CACYBP: variants seen among roughly 807,000 people sequenced by gnomAD.
CACYBP encodes the protein calcyclin-binding protein.
In CACYBP, 11 loss-of-function variants were observed where a neutral mutation model predicts 29.6. That is an observed-to-expected ratio of 0.37 (90% CI 0.23 to 0.61). The LOEUF (loss-of-function observed/expected upper bound fraction) is 0.61, where lower values mean the gene tolerates loss of function less well. CACYBP is among the 20% of genes least tolerant of loss of function. The pLI is 0.65. For synonymous variants in CACYBP, 73 were observed against 88.3 expected (o/e 0.83, Z 0.97); for missense variants, 163 against 260.7 (o/e 0.63, Z 2.58).
chr1:175,002,697 T>A (rs914197973), intron 1 of CACYBP, among the ~76,000 whole-genome samples: 3 of 152,168 alleles, frequency 2.0e-5, no homozygotes, highest in Non-Finnish European at 4.4e-5. Context: ...AGTCTGCCAA[T>A]AACAGAACTG....
chr1:175,001,530 T>G (rs1672488844), intron 1 of CACYBP, among the ~76,000 whole-genome samples: 1 of 152,230 alleles, frequency 6.6e-6, no homozygotes, highest in Non-Finnish European at 1.5e-5. Flanking sequence ...TCTTGTACTT[T>G]CTGTGAATTT....
At chr1:175,002,045 C>T (rs1238956734) in intron 1 of CACYBP, among the ~76,000 whole-genome samples, 1 of 152,176 alleles carries the variant, frequency 6.6e-6, no homozygotes. Flanking sequence ...GGCGCCTGGC[C>T]TTATTTCCAC....
chr1:175,004,448 G>A (rs192324113), intron 1 of CACYBP, among the ~76,000 whole-genome samples, 166 bp from the exon 2 acceptor site: 81 of 152,290 alleles, frequency 5.3e-4, no homozygotes, highest in Middle Eastern at 3.4e-3. Context: ...GTTAATTACA[G>A]TTAATAAGCC....
In CACYBP at chr1:175,010,144, T is replaced by C. The variant is rs1672714759; in HGVS notation, c.*65T>C. The C allele has an allele frequency of 5.1e-6, 7 of 1,371,964 alleles. No homozygotes were observed. Among genetic ancestry groups the C allele is most frequent in the Non-Finnish European group, 5.1e-6 (5 of 979,406 alleles). 85.0% of individuals were successfully genotyped at this position (1,371,964 alleles called of 1,614,324 possible). A position where few individuals can be genotyped will look rare whatever the true frequency, so the allele number is the denominator to read the frequency against. On this transcript the variant is annotated 3_prime_UTR_variant, in exon 6 of 6. Coordinates refer to ENST00000367679, the MANE Select transcript of CACYBP (RefSeq NM_014412.3). Reference sequence around the variant, plus strand: ...AATACTGATGTTTCCAGTAAGGGAATATTGGTGAGCTGCATATATAAATTT... The same window carrying C: ...AATACTGATGTTTCCAGTAAGGGAACATTGGTGAGCTGCATATATAAATTT...
rs1672727016 is a variant in CACYBP at position 175,010,661 on chromosome 1, CAAT to C, written c.*587_*589del. On this transcript the variant is annotated 3_prime_UTR_variant, in exon 6 of 6. Coordinates refer to ENST00000367679, the MANE Select transcript of CACYBP (RefSeq NM_014412.3). ...TGTGGAATAGAAAATCTAAACATGA[CAAT>C]AATAGACATATCTTTGTATGGTACC... 6.6e-6 allele frequency: 1 copy of C among 152,098 alleles called. No individual in the cohort carries two copies. The highest frequency in any genetic ancestry group is 6.5e-5 in the Admixed American group (1 of 15,280). 9.4% of individuals were successfully genotyped at this position (152,098 alleles called of 1,614,324 possible).
At chr1:175,007,292 C>G (rs190077116) in intron 4 of CACYBP, 95 bp downstream of exon 4, 7 of 734,248 alleles carry the variant, frequency 9.5e-6, no homozygotes, top group Admixed American at 9.4e-5. Context: ...AATTTGTCCT[C>G]TGTAACAGGG....
At chr1:175,009,890 T>C (rs1392810671) in intron 5 of CACYBP, 33 bp from the exon 6 acceptor site, 14 of 1,567,660 alleles carry the variant, frequency 8.9e-6, no homozygotes, top group African/African-American at 1.4e-5. Flanking sequence ...GTGCTTTCGT[T>C]TCCCCATTGT....
chr1:175,000,349 C>T (rs1446724512), intron 1 of CACYBP, 154 bp downstream of exon 1: 2 of 1,437,212 alleles, frequency 1.4e-6, no homozygotes, highest in Non-Finnish European at 1.8e-6. Context: ...ACCTCACTCG[C>T]CCCTTGCTGC....
intron 2 of CACYBP, among the ~76,000 whole-genome samples, chr1:175,005,635 A>G (rs2149411038): frequency 6.6e-6 from 1 of 152,310 alleles, no homozygotes; most frequent in African/African-American, 2.4e-5. Context: ...GAATATTGTT[A>G]ATAGTGAAAA....
At chr1:174,999,669 C>G, upstream of CACYBP, 2 of 233,918 alleles carry the variant, frequency 8.5e-6, no homozygotes, top group Non-Finnish European at 8.5e-6. Context: ...AGTCAACTTC[C>G]GACTTGGACT....
chr1:175,000,586 A>T (rs1441150468), intron 1 of CACYBP: 2 of 1,113,110 alleles, frequency 1.8e-6, no homozygotes, highest in East Asian at 1.6e-4. Context: ...TTCTTGGTAG[A>T]GGGCGGTTGG....
chr1:175,006,121 T>TTA (rs1672615413), intron 2 of CACYBP, among the ~76,000 whole-genome samples: 1 of 152,168 alleles, frequency 6.6e-6, no homozygotes, highest in Non-Finnish European at 1.5e-5. Context: ...TGTGAAGTAT[T>TTA]TATATATATG....
At chr1:175,005,924 A>G (rs1049276815) in intron 2 of CACYBP, among the ~76,000 whole-genome samples, 5 of 152,122 alleles carry the variant, frequency 3.3e-5, no homozygotes, top group Non-Finnish European at 1.5e-5. Context: ...GTAGGTGTAT[A>G]TATTTATGGG....
chr1:175,003,907 G>A (rs1022588870), intron 1 of CACYBP, among the ~76,000 whole-genome samples: 8 of 152,222 alleles, frequency 5.3e-5, no homozygotes, highest in African/African-American at 1.2e-4. Context: ...AAATGAGAAC[G>A]TGGTGGCTTT....
intron 1 of CACYBP, among the ~76,000 whole-genome samples, chr1:175,001,961 C>T (rs1055795209): frequency 5.3e-5 from 8 of 152,140 alleles, no homozygotes; most frequent in African/African-American, 1.9e-4. Context: ...AGGCTGGTCT[C>T]GAACTCCTGA....
At chr1:175,000,583 T>G (rs983669841) in intron 1 of CACYBP, 1 of 1,115,828 alleles carries the variant, frequency 9.0e-7, no homozygotes, top group Non-Finnish European at 1.1e-6. Flanking sequence ...TCGTTCTTGG[T>G]AGAGGGCGGT....
intron 4 of CACYBP, 101 bp downstream of exon 4, chr1:175,007,298 C>G (rs1672644121): frequency 1.4e-6 from 1 of 695,670 alleles, no homozygotes; most frequent in Non-Finnish European, 2.5e-6. Flanking sequence ...TCCTCTGTAA[C>G]AGGGACCACC....
chr1:175,010,834 T>C lies in CACYBP; in HGVS notation c.*755T>C, dbSNP rs1345176871. ...TTTATGATTTATTTGTCTAGGAGTA[T>C]GTCAGAAAAATCAGGCTTTTAGTAG... is the stretch of plus-strand genomic sequence containing the variant. On this transcript the variant is annotated 3_prime_UTR_variant, in exon 6 of 6. Coordinates refer to ENST00000367679, the MANE Select transcript of CACYBP (RefSeq NM_014412.3). 2.0e-5 allele frequency: 3 copies of C among 152,176 alleles called. No homozygotes were observed. Among genetic ancestry groups the C allele is most frequent in the African/African-American group, 7.2e-5 (3 of 41,454 alleles). The allele number at this position is 152,176 out of a possible 1,614,324, so 9.4% of individuals were successfully genotyped here.
Position 175,010,279 on chromosome 1 carries a change from GT to G in CACYBP, c.*204del. ...CTTATTAAACACTCCTGCAAAGATG[GT>G]TTTATTAGTACCCTGGTCATTTTGT... is the stretch of plus-strand genomic sequence containing the variant. On this transcript the variant is annotated 3_prime_UTR_variant, in exon 6 of 6. Transcript: ENST00000367679. 2.4e-6 allele frequency: 1 copy of G among 420,848 alleles called. No homozygotes were observed. The highest frequency in any genetic ancestry group is 4.2e-6 in the Non-Finnish European group (1 of 236,534). The allele number at this position is 420,848 out of a possible 1,614,324, so 26.1% of individuals were successfully genotyped here.
Sources: allele counts gnomAD v4.1 joint callset (sites outside exome capture counted in the v4.1 genomes callset), GRCh38; gene constraint gnomAD v4.1.1; transcripts MANE v1.5; gene names NCBI Gene and HGNC (gene_info 2026-07-23, HGNC 2026-07-21).